Variants in CADPS2 observed in about 807,000 individuals in gnomAD.
CADPS2 encodes calcium dependent secretion activator 2.
A neutral mutation model predicts 172.5 loss-of-function variants in CADPS2; 93 were observed. The ratio of observed to expected loss-of-function variants is 0.54; its 90% CI spans 0.46 to 0.64. CADPS2 has a LOEUF of 0.64. Among genes scored for constraint, CADPS2 ranks in the 30% least tolerant of loss-of-function variants. The pLI, the probability that CADPS2 is intolerant of heterozygous loss-of-function variation, is 0.00. For missense variants in CADPS2, 1,420 were observed against 1,565.9 expected (o/e 0.91, Z 1.57); for synonymous variants, 546 against 555.2 (o/e 0.98, Z 0.23).
chr7:122,829,007 T>C, intron 1 of CADPS2, among the ~76,000 whole-genome samples: 1 of 152,212 alleles, frequency 6.6e-6, no homozygotes, highest in East Asian at 1.9e-4. Context: ...GGACCTCATG[T>C]GTGCGAATGT....
In CADPS2 at chr7:122,516,508, G is replaced by A. The variant is rs114354478; in HGVS notation, c.1476-3193C>T. ...AGCTATGACCATGCCACTGCACTCC[G>A]GCCTGGGTGACAGAGCAAGATCCTG... On this transcript the variant is annotated intron_variant, in intron 8 of 29. Transcript: ENST00000449022. Among the ~76,000 whole-genome samples, 1,205 of 152,034 alleles carry A rather than the reference G, an allele frequency of 7.9e-3. 15 individuals carry two copies. Among genetic ancestry groups the A allele is most frequent in the African/African-American group, 0.028 (1,164 of 41,464 alleles).
intron 7 of CADPS2, among the ~76,000 whole-genome samples, chr7:122,563,276 T>G (rs534270927): frequency 9.8e-5 from 15 of 152,320 alleles, no homozygotes; most frequent in Admixed American, 9.2e-4. Context: ...ACCTTTACAT[T>G]ACTTTATCAA....
chr7:122,496,310 C>T (rs11767992), intron 9 of CADPS2, among the ~76,000 whole-genome samples: 14,580 of 152,030 alleles, frequency 0.096, 996 homozygotes, highest in Non-Finnish European at 0.15. Flanking sequence ...CACAGGTGTG[C>T]GCTACCGTAT....
chr7:122,634,059 T>C (rs1398656706), intron 3 of CADPS2, among the ~76,000 whole-genome samples: 1 of 152,208 alleles, frequency 6.6e-6, no homozygotes, highest in Non-Finnish European at 1.5e-5. Context: ...ATTAACTGTT[T>C]GCTATGCAGC....
At chr7:122,424,761 C>T (rs1181442423) in intron 17 of CADPS2, among the ~76,000 whole-genome samples, 1 of 145,086 alleles carries the variant, frequency 6.9e-6, no homozygotes, top group Non-Finnish European at 1.5e-5. Flanking sequence ...CTTGGCTCTC[C>T]CAAAGTTTAT....
intron 8 of CADPS2, among the ~76,000 whole-genome samples, chr7:122,534,061 C>A (rs193168809): frequency 6.6e-6 from 1 of 152,168 alleles, no homozygotes; most frequent in African/African-American, 2.4e-5. Flanking sequence ...CTTTATTATC[C>A]TCATTATATA....
intron 7 of CADPS2, among the ~76,000 whole-genome samples, chr7:122,577,421 A>G (rs1026722976): frequency 3.3e-5 from 5 of 152,142 alleles, no homozygotes; most frequent in African/African-American, 9.7e-5. Context: ...ATGGAATAAT[A>G]AAATATGTCA....
At chr7:122,472,848 G>A (rs1264818509) in intron 13 of CADPS2, among the ~76,000 whole-genome samples, 1 of 152,046 alleles carries the variant, frequency 6.6e-6, no homozygotes, top group African/African-American at 2.4e-5. Flanking sequence ...TAGTGTCAGC[G>A]TGGCAATAAA....
intron 2 of CADPS2, among the ~76,000 whole-genome samples, chr7:122,734,945 C>T (rs529316133): frequency 1.5e-4 from 23 of 152,226 alleles, no homozygotes; most frequent in African/African-American, 5.1e-4. Flanking sequence ...CCAAGTCAAA[C>T]CACCTCTTCA....
chr7:122,490,034 A>G, intron 11 of CADPS2, 47 bp downstream of exon 11: 1 of 1,520,142 alleles, frequency 6.6e-7, no homozygotes. Flanking sequence ...TTTATATCTT[A>G]TTAAGGCTAT....
intron 20 of CADPS2, among the ~76,000 whole-genome samples, chr7:122,393,809 C>T (rs945887500): frequency 1.3e-5 from 2 of 152,066 alleles, no homozygotes; most frequent in Admixed American, 1.3e-4. Context: ...TAGATTATAT[C>T]TCTCTAAAAT....
intron 1 of CADPS2, among the ~76,000 whole-genome samples, chr7:122,788,086 GCCCA>G (rs1316520057): frequency 6.6e-6 from 1 of 152,182 alleles, no homozygotes; most frequent in East Asian, 1.9e-4. Context: ...GTAAAAATCT[GCCCA>G]GCCATCAGGC....
In CADPS2 at chr7:122,361,590, T is replaced by C. The variant is rs138517975; in HGVS notation, c.3388-577A>G. 6.4e-3 allele frequency among the ~76,000 whole-genome samples: 969 copies of C among 152,324 alleles called. 7 individuals carry two copies. The highest frequency in any genetic ancestry group is 0.031 in the Middle Eastern group (9 of 294). On this transcript the variant is annotated intron_variant, in intron 25 of 29. Coordinates refer to ENST00000449022, the MANE Select transcript of CADPS2 (RefSeq NM_017954.11). ...ATGTGTCATAGGAATCTAGTCACTATACATATGAGACCACTGAAGCCATTC... is the reference window on the plus strand; with the variant it reads ...ATGTGTCATAGGAATCTAGTCACTACACATATGAGACCACTGAAGCCATTC...
chr7:122,566,022 T>C (rs1206701274), intron 7 of CADPS2, among the ~76,000 whole-genome samples: 2 of 152,164 alleles, frequency 1.3e-5, no homozygotes, highest in African/African-American at 4.8e-5. Context: ...TACATGTAAG[T>C]GACATCATGT....
intron 20 of CADPS2, 121 bp downstream of exon 20, chr7:122,407,419 C>G (rs1317672160): frequency 1.1e-5 from 12 of 1,099,718 alleles, no homozygotes; most frequent in Non-Finnish European, 1.5e-5. Flanking sequence ...CTGAGCAAAC[C>G]TAAATGTTAC....
intron 25 of CADPS2, among the ~76,000 whole-genome samples, chr7:122,371,458 C>G (rs2041753005): frequency 6.6e-6 from 1 of 152,156 alleles, no homozygotes; most frequent in Admixed American, 6.5e-5. Flanking sequence ...ATAAAACCAT[C>G]AGATCTTGTG....
chr7:122,824,645 T>C (rs771454785), intron 1 of CADPS2, among the ~76,000 whole-genome samples: 109 of 152,232 alleles, frequency 7.2e-4, no homozygotes, highest in Non-Finnish European at 1.2e-3. Flanking sequence ...TTAGCTATGA[T>C]AGGCTGCATG....
chr7:122,811,149 C>T (rs1214982396), intron 1 of CADPS2, among the ~76,000 whole-genome samples: 2 of 152,210 alleles, frequency 1.3e-5, no homozygotes, highest in African/African-American at 4.8e-5. Flanking sequence ...ATTTTCTGAA[C>T]ATATGCTGTC....
In CADPS2 at chr7:122,790,026, GTGTT is replaced by G. The variant is rs1416627022; in HGVS notation, c.340-52962_340-52959del. ...ATAAGAATAGGCAAACAAATATTAA[GTGTT>G]TTTTTTTTTTTTTTTTGAAAAGAGA... On this transcript the variant is annotated intron_variant, in intron 1 of 29. Transcript: ENST00000449022. Among the ~76,000 whole-genome samples, 16 of 141,076 alleles carry G rather than the reference GTGTT, an allele frequency of 1.1e-4. 1 individual carries two copies. The highest frequency in any genetic ancestry group is 2.4e-4 in the African/African-American group (9 of 37,640). 92.6% of individuals were successfully genotyped at this position (141,076 alleles called of 152,430 possible).
Sources: gnomAD v4.1 joint callset for allele counts (sites outside exome capture counted in the v4.1 genomes callset) on GRCh38, gnomAD v4.1.1 for gene constraint, MANE v1.5 for transcripts, NCBI Gene and HGNC (gene_info 2026-07-23, HGNC 2026-07-21) for gene names.